Variants in ZNF568 observed in about 807,000 individuals in gnomAD.
ZNF568 encodes the protein zinc finger protein 568, also known as p53 inhibitor of SCO2 activation.
In ZNF568, 11 loss-of-function variants were observed where a neutral mutation model predicts 18.1. The observed-to-expected ratio is 0.61, with a 90% CI of 0.38 to 1.00. The LOEUF is 1.00. ZNF568 is among the 50% of genes least tolerant of loss of function. The pLI is 0.01. For synonymous variants in ZNF568, 213 were observed against 246.6 expected, an observed-to-expected ratio of 0.86 and a Z score of 1.28; for missense variants, 639 against 768.2, an observed-to-expected ratio of 0.83 and a Z score of 1.99.
rs2074029653 is a variant in ZNF568 at position 36,949,952 on chromosome 19, A to C, written c.799A>C (p.Thr267Pro). The C allele has an allele frequency of 1.9e-6, 3 of 1,613,892 alleles. No homozygotes were observed. Among genetic ancestry groups the C allele is most frequent in the Non-Finnish European group, 1.7e-6 (2 of 1,179,952 alleles). The change falls in exon 7 of 7, where the codon ACA becomes CCA. Residue 267 changes from threonine (T) to proline (P), a missense_variant. Thr to Pro is a conservative substitution (Grantham distance 38). Transcript: ENST00000333987. ...KAFSRKENLI[T>P]HQKIHTGEKP... ...CTTCAGTAGGAAGGAAAATCTTATT[A>C]CACATCAGAAAATTCATACTGGGGA...
At chr19:36,944,426 A>T (rs1221237556) in intron 6 of ZNF568, among the ~76,000 whole-genome samples, 1 of 152,032 alleles carries the variant, frequency 6.6e-6, no homozygotes, top group East Asian at 1.9e-4. Context: ...GAAAAAGAAA[A>T]ATATATATGA....
Position 36,935,803 on chromosome 19 carries a change from C to T in ZNF568, c.136-943C>T, listed in dbSNP as rs565385216. On this transcript the variant is annotated intron_variant, in intron 4 of 6. Transcript: ENST00000333987. ...TCCACTCTAGCTTTCTATGGTTGTT[C>T]GCATGCTGTGTTTTTTCCATCACTT... Among the ~76,000 whole-genome samples, 4 of 151,978 alleles carry T rather than the reference C, an allele frequency of 2.6e-5. No individual in the cohort carries two copies. The South Asian group carries it at 6.2e-4, about 24-fold the overall frequency.
downstream of ZNF568, among the ~76,000 whole-genome samples, chr19:36,983,298 T>G (rs1278989968): frequency 6.6e-6 from 1 of 152,192 alleles, no homozygotes; most frequent in Non-Finnish European, 1.5e-5. Context: ...CAGTTTTCCT[T>G]TTCTTTTTCC....
intron 2 of ZNF568, among the ~76,000 whole-genome samples, chr19:36,920,942 T>A (rs187136745): frequency 5.3e-5 from 8 of 150,316 alleles, no homozygotes; most frequent in Admixed American, 4.6e-4. Flanking sequence ...ACCTTTGTAT[T>A]GCAGTTGTCT....
rs1364461226 is a variant in ZNF568, at chr19:36,950,634, G to T, written c.1481G>T (p.Arg494Ile). 1.1e-5 allele frequency: 17 copies of T among 1,613,976 alleles called. No homozygotes were observed. Among genetic ancestry groups the T allele is most frequent in the Non-Finnish European group, 1.3e-5 (15 of 1,179,914 alleles). ...IQMSNLIRHQRIHTGEKPYAC... is the reference protein window; with the variant it reads ...IQMSNLIRHQIIHTGEKPYAC... ...ATGTCAAACCTCATTCGACACCAGA[G>T]AATTCATACGGGTGAGAAACCCTAT... The change falls in exon 7 of 7, where the codon AGA (arginine) becomes ATA (isoleucine). Residue 494 changes from arginine to isoleucine, a missense_variant. Transcript: ENST00000333987.
chr19:36,953,388 T>C (rs2074083161), downstream of ZNF568, among the ~76,000 whole-genome samples: 1 of 152,198 alleles, frequency 6.6e-6, no homozygotes, highest in Non-Finnish European at 1.5e-5. Context: ...TTGGTTTTAA[T>C]CTAGAGACCA....
At chr19:36,982,088 A>G (rs2074336397), downstream of ZNF568, among the ~76,000 whole-genome samples, 1 of 152,116 alleles carries the variant, frequency 6.6e-6, no homozygotes, top group Non-Finnish European at 1.5e-5. Flanking sequence ...TGATCATATC[A>G]TTGATGAATA....
At position 36,920,147 on chromosome 19, in the gene ZNF568, A is replaced by T. The variant is rs145484099; in HGVS notation, c.-185-2439A>T. Among the ~76,000 whole-genome samples the T allele has an allele frequency of 2.4e-4, 37 of 152,242 alleles. No individual in the cohort carries two copies. In the East Asian group the frequency reaches 7.2e-3, roughly 29 times the overall value. ...TGAAAGCCAGCACCAATGATCCTGG[A>T]CACTGTGTAGGCCTAGGCTAATGGG... On this transcript the variant is annotated intron_variant, in intron 2 of 6. Coordinates refer to ENST00000333987, the MANE Select transcript of ZNF568 (RefSeq NM_198539.4).
chr19:36,985,635 T>A (rs1291509817), intron 2 of ZNF568, among the ~76,000 whole-genome samples: 1 of 152,134 alleles, frequency 6.6e-6, no homozygotes, highest in Non-Finnish European at 1.5e-5. Context: ...CGATTCTTGT[T>A]TCTCATTCTC....
At position 36,987,822 on chromosome 19, in the gene ZNF568, C is replaced by CTGTGTGTGTGTGTGTGTGTGTGTGTG. The variant is rs56000710; in HGVS notation, c.10-3350_10-3325dup. On this transcript the variant is annotated intron_variant, in intron 2 of 4. Transcript: ENST00000433993. ...CTCAGAGAGAAAGAAAACACAGACT[C>CTGTGTGTGTGTGTGTGTGTGTGTGTG]TGTGTGTGTGTGTGTGTGTGTGTGT... is the stretch of plus-strand genomic sequence containing the variant. 7.6e-4 allele frequency among the ~76,000 whole-genome samples: 111 copies of CTGTGTGTGTGTGTGTGTGTGTGTGTG among 146,410 alleles called. 2 individuals are homozygous for CTGTGTGTGTGTGTGTGTGTGTGTGTG. The East Asian group carries it at 8.0e-3, about 11-fold the overall frequency.
chr19:36,976,430 C>A (rs771947651), intron 7 of ZNF568: 9 of 152,226 alleles, frequency 5.9e-5, no homozygotes, highest in Non-Finnish European at 1.2e-4. Context: ...TCTCTGAAAT[C>A]AAAATGGGGT....
intron 4 of ZNF568, among the ~76,000 whole-genome samples, chr19:36,926,181 A>G (rs778493103): frequency 2.0e-5 from 3 of 150,104 alleles, no homozygotes; most frequent in Non-Finnish European, 3.0e-5. Context: ...CATCTTTTTT[A>G]TGGTCTCAGA....
intron 3 of ZNF568, among the ~76,000 whole-genome samples, chr19:36,924,842 GA>G (rs912695369): frequency 1.0e-3 from 152 of 149,500 alleles, no homozygotes; most frequent in Admixed American, 2.9e-3. Context: ...AAAAAAAAAA[GA>G]AAAAAAAATT....
At position 36,952,339 on chromosome 19, in the gene ZNF568, G is replaced by A. The variant is rs2074072668; in HGVS notation, c.*1251G>A. Reference sequence around the variant, plus strand: ...GAAAACAACCTAAATATTCATCAGTGGGGTAATGGATGAATAAAATATGAT... The same window carrying A: ...GAAAACAACCTAAATATTCATCAGTAGGGTAATGGATGAATAAAATATGAT... On this transcript the variant is annotated 3_prime_UTR_variant, in exon 7 of 7. Coordinates refer to ENST00000333987, the MANE Select transcript of ZNF568 (RefSeq NM_198539.4). The A allele has an allele frequency of 6.6e-6, 1 of 151,916 alleles. No homozygotes were observed. The highest frequency in any genetic ancestry group is 2.4e-5 in the African/African-American group (1 of 41,348). 9.4% of individuals were successfully genotyped at this position (151,916 alleles called of 1,614,324 possible).
intron 4 of ZNF568, among the ~76,000 whole-genome samples, chr19:36,934,469 C>A (rs1344489609): frequency 6.6e-6 from 1 of 151,948 alleles, no homozygotes; most frequent in Non-Finnish European, 1.5e-5. Flanking sequence ...TACTGGCATA[C>A]ACCACCACGC....
chr19:36,971,234 A>C (rs995121172), intron 6 of ZNF568, among the ~76,000 whole-genome samples: 18 of 149,870 alleles, frequency 1.2e-4, no homozygotes, highest in African/African-American at 4.4e-4. Context: ...ACTCCGTCTC[A>C]AGAAAAAAAA....
Position 36,993,590 on chromosome 19 carries a change from A to G in ZNF568, c.229+1744A>G, listed in dbSNP as rs73623535. On this transcript the variant is annotated intron_variant, in intron 4 of 4. Coordinates refer to the ZNF568 transcript ENST00000433993. ...CAGTCTCTTTATTTGGTATAGGTCT[A>G]TTCAGGTATTCTATTTCCTCTTGAG... Among the ~76,000 whole-genome samples the G allele has an allele frequency of 9.3e-3, 1,422 of 152,232 alleles. 25 individuals carry two copies. Among genetic ancestry groups the G allele is most frequent in the African/African-American group, 0.033 (1,352 of 41,556 alleles).
downstream of ZNF568, among the ~76,000 whole-genome samples, chr19:36,953,587 T>C (rs376955590): frequency 1.2e-4 from 19 of 152,224 alleles, no homozygotes; most frequent in African/African-American, 4.6e-4. Context: ...TTAGTTGATA[T>C]ACATTACAGA....
At chr19:36,980,665 G>T (rs1392819217), downstream of ZNF568, among the ~76,000 whole-genome samples, 1 of 152,168 alleles carries the variant, frequency 6.6e-6, no homozygotes, top group Admixed American at 6.5e-5. Context: ...AGGATACATT[G>T]GGTTGTATTA....
Sources: gnomAD v4.1 joint callset for allele counts (sites outside exome capture counted in the v4.1 genomes callset) on GRCh38, gnomAD v4.1.1 for gene constraint, MANE v1.5 for transcripts, NCBI Gene and HGNC (gene_info 2026-07-23, HGNC 2026-07-21) for gene names.